TARS3: variants seen among roughly 807,000 people sequenced by gnomAD.
TARS3 encodes threonine--tRNA ligase 2, cytoplasmic.
Under a neutral mutation model 103.5 loss-of-function variants are expected in TARS3, and 94 were observed. The observed-to-expected ratio is 0.91, with a 90% CI of 0.77 to 1.08. The LOEUF (loss-of-function observed/expected upper bound fraction) is 1.08, where lower values mean the gene tolerates loss of function less well. Among genes scored for constraint, TARS3 ranks in the 50% least tolerant of loss-of-function variants. TARS3 has a pLI of 0.00. For synonymous variants in TARS3, 416 were observed against 355.4 expected, an observed-to-expected ratio of 1.17 and a Z score of -1.92; for missense variants, 952 against 995.2, an observed-to-expected ratio of 0.96 and a Z score of 0.58.
intron 13 of TARS3, among the ~76,000 whole-genome samples, chr15:101,673,997 C>T (rs745720467): frequency 6.6e-6 from 1 of 152,156 alleles, no homozygotes; most frequent in African/African-American, 2.4e-5. Flanking sequence ...TACCCGCAGT[C>T]GACTGCAGTC....
In TARS3 at chr15:101,684,201, T is replaced by G. The variant is rs750520100; in HGVS notation, c.1524A>C (p.Glu508Asp). 6.8e-6 allele frequency: 11 copies of G among 1,613,926 alleles called. No individual in the cohort carries two copies. In the East Asian group the frequency reaches 2.0e-4, roughly 29 times the overall value. Residue 508 changes from glutamate (E) to aspartate (D), a missense_variant, in exon 12 of 19, where the codon GAA becomes GAC. Coordinates refer to ENST00000335968, the MANE Select transcript of TARS3 (RefSeq NM_152334.3). The stretch of plus-strand genomic sequence containing the variant: ...CAAAATCAGCAAATCTAATAGGCAT[T>G]TCCCTCCAAGATCGTGGACGATGGG... ...MFAHRPRSWR[E>D]MPIRFADFGV...
At chr15:101,664,860 C>A (rs1897516955) in intron 15 of TARS3, among the ~76,000 whole-genome samples, 1 of 152,166 alleles carries the variant, frequency 6.6e-6, no homozygotes, top group Non-Finnish European at 1.5e-5. Flanking sequence ...CCCCAGGAAG[C>A]AGGGTAAACA....
At chr15:101,675,180 C>G (rs561206917) in intron 13 of TARS3, among the ~76,000 whole-genome samples, 1 of 152,096 alleles carries the variant, frequency 6.6e-6, no homozygotes, top group Non-Finnish European at 1.5e-5. Flanking sequence ...GGGCAGGGCA[C>G]GACAGGACGT....
chr15:101,680,387 G>C (rs185845071), intron 12 of TARS3, among the ~76,000 whole-genome samples: 2 of 152,280 alleles, frequency 1.3e-5, no homozygotes, highest in African/African-American at 2.4e-5. Flanking sequence ...ATCGATGCCT[G>C]TTGGCATCTG....
intron 5 of TARS3, among the ~76,000 whole-genome samples, chr15:101,711,005 G>A (rs1899837841): frequency 6.6e-6 from 1 of 152,144 alleles, no homozygotes; most frequent in South Asian, 2.1e-4. Flanking sequence ...CTGGCTGTTT[G>A]CTAACGATTC....
chr15:101,689,969 G>A (rs1455231778), intron 10 of TARS3, among the ~76,000 whole-genome samples: 1 of 152,194 alleles, frequency 6.6e-6, no homozygotes, highest in Non-Finnish European at 1.5e-5. Context: ...GTTACATTTA[G>A]TTATGACTTT....
intron 3 of TARS3, among the ~76,000 whole-genome samples, chr15:101,716,853 T>TG: frequency 9.2e-6 from 1 of 108,130 alleles, no homozygotes; most frequent in South Asian, 3.5e-4. Flanking sequence ...CTCTACAATG[T>TG]AATTTTTTTT....
chr15:101,720,788 A>G (rs1340086528), intron 3 of TARS3, among the ~76,000 whole-genome samples: 3 of 152,152 alleles, frequency 2.0e-5, no homozygotes, highest in Non-Finnish European at 4.4e-5. Context: ...TGTTACCTCC[A>G]TGCTGTTCTT....
At chr15:101,657,538 G>A (rs994344274) in intron 17 of TARS3, among the ~76,000 whole-genome samples, 4 of 152,220 alleles carry the variant, frequency 2.6e-5, no homozygotes, top group Admixed American at 6.5e-5. Context: ...TTCCCTAATA[G>A]AGCTGTGTAG....
intron 9 of TARS3, among the ~76,000 whole-genome samples, chr15:101,701,587 C>T (rs905448349): frequency 2.6e-5 from 4 of 152,146 alleles, no homozygotes; most frequent in Admixed American, 2.6e-4. Context: ...GTCTTCACAG[C>T]CACCCTGCAA....
chr15:101,695,536 G>A (rs1475800666), intron 10 of TARS3, among the ~76,000 whole-genome samples: 1 of 152,176 alleles, frequency 6.6e-6, no homozygotes, highest in Non-Finnish European at 1.5e-5. Context: ...GCTATTATAA[G>A]TAACGCTTCT....
intron 5 of TARS3, 96 bp downstream of exon 5, chr15:101,711,784 G>T: frequency 1.1e-5 from 15 of 1,390,632 alleles, no homozygotes; most frequent in Non-Finnish European, 1.4e-5. Context: ...CATTATGTAA[G>T]GGCCAGCAGT....
At chr15:101,696,433 C>T (rs772071167) in intron 10 of TARS3, among the ~76,000 whole-genome samples, 1 of 152,032 alleles carries the variant, frequency 6.6e-6, no homozygotes, top group Admixed American at 6.6e-5. Context: ...TACCTGAATA[C>T]AGTCATGTAA....
At position 101,702,222 on chromosome 15, in the gene TARS3, T is replaced by G; in HGVS notation, c.1221+17A>C. Reference sequence around the variant, plus strand: ...GGCTTATGATTACATCTCCAGTGATTAAGATGTGGGGCATACCTTCCCGAT... The same window carrying G: ...GGCTTATGATTACATCTCCAGTGATGAAGATGTGGGGCATACCTTCCCGAT... On this transcript the variant is annotated intron_variant, in intron 9 of 18. Transcript: ENST00000335968. 1 of 1,613,390 alleles carries G rather than the reference T, an allele frequency of 6.2e-7. No individual in the cohort carries two copies. Among genetic ancestry groups the G allele is most frequent in the East Asian group, 2.2e-5 (1 of 44,872 alleles).
intron 11 of TARS3, among the ~76,000 whole-genome samples, chr15:101,684,676 C>T (rs1898394296): frequency 1.3e-5 from 2 of 152,178 alleles, no homozygotes; most frequent in African/African-American, 4.8e-5. Flanking sequence ...CCACTCTGCT[C>T]ATGAGTTCCA....
chr15:101,665,284 C>T (rs1210824495), intron 15 of TARS3, among the ~76,000 whole-genome samples: 3 of 152,312 alleles, frequency 2.0e-5, no homozygotes, highest in Non-Finnish European at 2.9e-5. Flanking sequence ...ACATCACAAT[C>T]GTGTGACACA....
chr15:101,676,802 C>CT (rs76822080), intron 12 of TARS3, among the ~76,000 whole-genome samples: 9,090 of 143,458 alleles, frequency 0.063, 328 homozygotes, highest in Non-Finnish European at 0.079. Flanking sequence ...CCACTACACC[C>CT]TTTTTTTTTT....
chr15:101,722,294 C>T (rs958407120), intron 2 of TARS3, among the ~76,000 whole-genome samples: 5 of 150,328 alleles, frequency 3.3e-5, no homozygotes, highest in South Asian at 2.1e-4. Flanking sequence ...GTTTACAGAA[C>T]GTGTACAGAG....
intron 5 of TARS3, among the ~76,000 whole-genome samples, chr15:101,710,408 G>A (rs1310898513): frequency 6.6e-6 from 1 of 152,226 alleles, no homozygotes; most frequent in African/African-American, 2.4e-5. Flanking sequence ...TTTGTAGCCT[G>A]TAGGTCAAAA....
Sources: allele counts gnomAD v4.1 joint callset (sites outside exome capture counted in the v4.1 genomes callset), GRCh38; gene constraint gnomAD v4.1.1; transcripts MANE v1.5; gene names NCBI Gene and HGNC (gene_info 2026-07-23, HGNC 2026-07-21).